Variants in MAML1 observed in about 807,000 individuals in gnomAD.
The protein encoded by MAML1 is mastermind-like protein 1.
In MAML1, 14 loss-of-function variants were observed where a neutral mutation model predicts 77.1. That is an observed-to-expected ratio of 0.18 (90% CI 0.12 to 0.28). MAML1 has a LOEUF of 0.28. Ranked by LOEUF, MAML1 falls within the 10% of genes least tolerant of loss-of-function variation. The probability of loss-of-function intolerance (pLI) is 1.00; values close to 1 mark genes in which losing one functional copy is unlikely to be tolerated. For missense variants in MAML1, 1,217 were observed against 1,327.8 expected, an observed-to-expected ratio of 0.92 and a Z score of 1.30; for synonymous variants, 516 against 551.9, an observed-to-expected ratio of 0.93 and a Z score of 0.91.
intron 1 of MAML1, among the ~76,000 whole-genome samples, chr5:179,756,760 ATGACT>A (rs1400633240): frequency 6.6e-6 from 1 of 152,198 alleles, no homozygotes; most frequent in African/African-American, 2.4e-5. Flanking sequence ...AGGATAAAAA[ATGACT>A]TGAACTAACA....
chr5:179,753,676 T>TTTTTC (rs1779554522), intron 1 of MAML1, among the ~76,000 whole-genome samples: 1 of 146,500 alleles, frequency 6.8e-6, no homozygotes, highest in South Asian at 2.2e-4. Flanking sequence ...TTTTTTTTTT[T>TTTTTC]TGAGGCAGAG....
intron 1 of MAML1, among the ~76,000 whole-genome samples, chr5:179,753,580 G>C (rs1478828944): frequency 6.6e-6 from 1 of 151,634 alleles, no homozygotes; most frequent in Non-Finnish European, 1.5e-5. Flanking sequence ...AATGGCAAAG[G>C]ATTAAGACAG....
chr5:179,759,357 C>G (rs1224458035), intron 1 of MAML1, among the ~76,000 whole-genome samples: 1 of 152,156 alleles, frequency 6.6e-6, no homozygotes, highest in Non-Finnish European at 1.5e-5. Flanking sequence ...GATGCTCATC[C>G]TCTAGGGTTG....
intron 1 of MAML1, among the ~76,000 whole-genome samples, chr5:179,750,308 T>C (rs1779460732): frequency 6.6e-6 from 1 of 152,196 alleles, no homozygotes; most frequent in Non-Finnish European, 1.5e-5. Context: ...TTTGGAATCA[T>C]AAGTCCCACC....
At chr5:179,750,019 T>C (rs959918037) in intron 1 of MAML1, among the ~76,000 whole-genome samples, 2 of 152,226 alleles carry the variant, frequency 1.3e-5, no homozygotes, top group African/African-American at 4.8e-5. Context: ...AGAAGTCAGA[T>C]CACAACCTGG....
chr5:179,753,654 A>ATTTTTTTTTTTT (rs1209995171), intron 1 of MAML1, among the ~76,000 whole-genome samples: 5 of 88,848 alleles, frequency 5.6e-5, no homozygotes, highest in South Asian at 5.0e-4. Context: ...TATTATTATT[A>ATTTTTTTTTTTT]TTTTTTTTTT....
intron 1 of MAML1, among the ~76,000 whole-genome samples, chr5:179,754,832 T>C (rs1779580121): frequency 6.6e-6 from 1 of 152,118 alleles, no homozygotes; most frequent in African/African-American, 2.4e-5. Context: ...ACCACTGCTC[T>C]AGAACAAAAC....
At chr5:179,752,348 A>ATATATATATATAT (rs60118143) in intron 1 of MAML1, among the ~76,000 whole-genome samples, 2 of 82,228 alleles carry the variant, frequency 2.4e-5, no homozygotes, top group Admixed American at 3.3e-4. Context: ...AAAAAAAAAA[A>ATATATATATATAT]AAATATATAT....
intron 1 of MAML1, among the ~76,000 whole-genome samples, chr5:179,748,130 T>G (rs1159788032): frequency 6.6e-6 from 1 of 152,174 alleles, no homozygotes; most frequent in Non-Finnish European, 1.5e-5. Flanking sequence ...TCGCCCAGGC[T>G]GGAGTGCAGT....
intron 1 of MAML1, among the ~76,000 whole-genome samples, chr5:179,755,634 T>C (rs1249263024): frequency 3.3e-5 from 5 of 151,950 alleles, no homozygotes; most frequent in Non-Finnish European, 7.4e-5. Flanking sequence ...GCGGCCGAGA[T>C]GGCTTTGAAT....
intron 1 of MAML1, among the ~76,000 whole-genome samples, chr5:179,735,428 C>G (rs970163112): frequency 6.6e-6 from 1 of 152,196 alleles, no homozygotes; most frequent in African/African-American, 2.4e-5. Flanking sequence ...TGCCCTGTTG[C>G]CCAGGCTGGA....
chr5:179,754,590 A>C (rs992006611), intron 1 of MAML1, among the ~76,000 whole-genome samples: 1 of 152,062 alleles, frequency 6.6e-6, no homozygotes, highest in Non-Finnish European at 1.5e-5. Context: ...ACCCTGTCTC[A>C]AAAAGAAAAA....
At position 179,733,172 on chromosome 5, in the gene MAML1, G is replaced by C; in HGVS notation, c.60G>C (p.Met20Ile). ...EFALPRHSAVMERLRRRIELC... is the reference protein window; with the variant it reads ...EFALPRHSAVIERLRRRIELC... ...CGCTGCCGCGGCACAGCGCGGTCAT[G>C]GAGCGCCTTCGCCGGCGCATCGAGC... is the stretch of plus-strand genomic sequence containing the variant. Residue 20 changes from methionine to isoleucine, a missense_variant, in exon 1 of 5, where the codon ATG (methionine) becomes ATC (isoleucine). Physicochemically the swap from Met to Ile is conservative, Grantham distance 10 (BLOSUM62 1). This residue lies in a region of MAML1 where 312 missense variants were observed against 331.4 expected (regional missense o/e 0.94). Transcript: ENST00000292599. 2.0e-6 allele frequency: 3 copies of C among 1,470,818 alleles called. No homozygotes were observed. The highest frequency in any genetic ancestry group is 2.7e-6 in the Non-Finnish European group (3 of 1,114,316). 91.1% of individuals were successfully genotyped at this position (1,470,818 alleles called of 1,614,324 possible).
At chr5:179,751,580 C>T (rs1367145660) in intron 1 of MAML1, among the ~76,000 whole-genome samples, 1 of 152,160 alleles carries the variant, frequency 6.6e-6, no homozygotes, top group East Asian at 1.9e-4. Context: ...TGGCGCACAC[C>T]TGTAATCCCA....
chr5:179,740,910 C>G (rs1779271008), intron 1 of MAML1, among the ~76,000 whole-genome samples: 1 of 152,106 alleles, frequency 6.6e-6, no homozygotes, highest in Admixed American at 6.6e-5. Flanking sequence ...CATTTTCACT[C>G]TTTTTTTCCC....
chr5:179,739,097 T>A (rs978158953), intron 1 of MAML1, among the ~76,000 whole-genome samples: 54 of 152,348 alleles, frequency 3.5e-4, no homozygotes, highest in African/African-American at 1.3e-3. Flanking sequence ...GAGCACCTGC[T>A]GTGGGCCAGA....
intron 2 of MAML1, 137 bp from the exon 3 acceptor site, chr5:179,768,713 G>A (rs1562574158): frequency 8.9e-7 from 1 of 1,119,390 alleles, no homozygotes; most frequent in East Asian, 2.4e-5. Context: ...CTCCAGCCCT[G>A]TGGGATGGTT....
At chr5:179,765,091 A>G (rs1487276695) in intron 1 of MAML1, among the ~76,000 whole-genome samples, 1 of 151,730 alleles carries the variant, frequency 6.6e-6, no homozygotes, top group Non-Finnish European at 1.5e-5. Context: ...GGGCAGCCTC[A>G]TGCCTGTCTC....
At chr5:179,761,878 T>C (rs538474149) in intron 1 of MAML1, among the ~76,000 whole-genome samples, 2 of 152,288 alleles carry the variant, frequency 1.3e-5, no homozygotes, top group Admixed American at 6.5e-5. Flanking sequence ...ATCCCATTGA[T>C]TTCCAGATTG....
Sources: gnomAD v4.1 joint callset for allele counts (sites outside exome capture counted in the v4.1 genomes callset) on GRCh38, gnomAD v4.1.1 for gene constraint, gnomAD v4.1.1 regional missense constraint, MANE v1.5 for transcripts, NCBI Gene and HGNC (gene_info 2026-07-23, HGNC 2026-07-21) for gene names.